Variants in ADHFE1 observed in about 807,000 individuals in gnomAD.
The protein encoded by ADHFE1 is hydroxyacid-oxoacid transhydrogenase, mitochondrial.
Under a neutral mutation model 54.8 loss-of-function variants are expected in ADHFE1, and 37 were observed. That is an observed-to-expected ratio of 0.68 (90% CI 0.52 to 0.89). ADHFE1 has a LOEUF of 0.89. Among genes scored for constraint, ADHFE1 ranks in the 40% least tolerant of loss-of-function variants. The probability of loss-of-function intolerance (pLI) is 0.00; values close to 1 mark genes in which losing one functional copy is unlikely to be tolerated. For missense variants in ADHFE1, 601 were observed against 591.2 expected (o/e 1.02, Z -0.17); for synonymous variants, 203 against 229.3 (o/e 0.89, Z 1.04).
intron 9 of ADHFE1, among the ~76,000 whole-genome samples, chr8:66,453,314 A>G (rs1806399447): frequency 6.6e-6 from 1 of 152,204 alleles, no homozygotes; most frequent in African/African-American, 2.4e-5. Context: ...ATTTCAAATG[A>G]AAGGGGAAAA....
In ADHFE1 at chr8:66,452,083, A is replaced by G; in HGVS notation, c.865A>G (p.Ile289Val). 1 of 1,614,178 alleles carries G rather than the reference A, an allele frequency of 6.2e-7. No individual in the cohort carries two copies. Among genetic ancestry groups the G allele is most frequent in the African/African-American group, 1.3e-5 (1 of 75,064 alleles). The change falls in exon 9 of 14, where the codon ATC (isoleucine) becomes GTC (valine). Residue 289 changes from isoleucine to valine, a missense_variant. Coordinates refer to ENST00000396623, the MANE Select transcript of ADHFE1 (RefSeq NM_144650.3). Reference protein sequence around the residue: ...SDIWAIHALRIVAKYLKRAVR... With the variant: ...SDIWAIHALRVVAKYLKRAVR... ...CATTTGGGCTATCCACGCGCTGCGG[A>G]TCGTGGCTAAGTATCTGAAGAGGTA...
At chr8:66,441,798 C>A (rs1452857356) in intron 2 of ADHFE1, among the ~76,000 whole-genome samples, 2 of 151,748 alleles carry the variant, frequency 1.3e-5, no homozygotes, top group Admixed American at 1.3e-4. Context: ...ATTGTGAAAC[C>A]CCGTCCCTAC....
rs998030955 is a variant in ADHFE1, at chr8:66,443,753, T to A, written c.145-614T>A. On this transcript the variant is annotated intron_variant, in intron 3 of 13. Transcript: ENST00000396623. ...ATGCATTCCCAGTTTGCTGGATTAT[T>A]CAAGAGAAAGTGAAATTCAGATGGT... Among the ~76,000 whole-genome samples, 22 of 152,198 alleles carry A rather than the reference T, an allele frequency of 1.4e-4. 2 individuals are homozygous for A. The highest frequency in any genetic ancestry group is 1.2e-3 in the Admixed American group (19 of 15,300).
chr8:66,453,665 G>A (rs767152012), intron 9 of ADHFE1: 34 of 1,362,178 alleles, frequency 2.5e-5, no homozygotes, highest in Middle Eastern at 2.1e-4. Flanking sequence ...AGCGCTGGCC[G>A]GCAGGTAGCC....
chr8:66,451,260 A>G (rs1806284921), intron 8 of ADHFE1, among the ~76,000 whole-genome samples: 1 of 152,210 alleles, frequency 6.6e-6, no homozygotes, highest in Admixed American at 6.5e-5. Flanking sequence ...AGAGAAAAAG[A>G]TCTGCTTTTT....
At chr8:66,459,430 A>ATATATATATTTT (rs1191407388) in intron 12 of ADHFE1, 2 of 126,808 alleles carry the variant, frequency 1.6e-5, no homozygotes, top group Non-Finnish European at 3.3e-5. Context: ...ATATATATAT[A>ATATATATATTTT]TTTTTTTTTT....
At chr8:66,456,503 T>G (rs765982935) in intron 10 of ADHFE1, among the ~76,000 whole-genome samples, 2 of 152,204 alleles carry the variant, frequency 1.3e-5, no homozygotes, top group Admixed American at 6.5e-5. Context: ...AACTTCGAAG[T>G]GAATTACCGA....
At chr8:66,445,500 C>A in intron 6 of ADHFE1, 86 bp downstream of exon 6, 1 of 1,311,194 alleles carries the variant, frequency 7.6e-7, no homozygotes, top group Non-Finnish European at 1.0e-6. Flanking sequence ...TTTTAACATA[C>A]ACATTTCGAA....
intron 6 of ADHFE1, among the ~76,000 whole-genome samples, chr8:66,446,158 C>T (rs973146393): frequency 2.0e-5 from 3 of 152,060 alleles, no homozygotes; most frequent in East Asian, 3.8e-4. Context: ...GTGAGTAAGT[C>T]GATGGCAGAT....
rs540464621 is a variant in ADHFE1 at position 66,443,264 on chromosome 8, A to AT, written c.144+452dup. ...GTCCCTGTCTCCTCCTAGTCCAGGA[A>AT]TTTTTTTTTTTTTTTTTTTTTTTTT... On this transcript the variant is annotated intron_variant, in intron 3 of 13. Transcript: ENST00000396623. Among the ~76,000 whole-genome samples, 431 of 86,020 alleles carry AT rather than the reference A, an allele frequency of 5.0e-3. 19 individuals are homozygous for AT. The highest frequency in any genetic ancestry group is 7.5e-3 in the Middle Eastern group (1 of 134). 56.4% of individuals were successfully genotyped at this position (86,020 alleles called of 152,430 possible).
intron 10 of ADHFE1, among the ~76,000 whole-genome samples, chr8:66,454,779 T>C (rs1368470229): frequency 6.6e-6 from 1 of 152,034 alleles, no homozygotes; most frequent in Non-Finnish European, 1.5e-5. Context: ...GATGGCGCAG[T>C]CTTGGCTCAC....
In ADHFE1 at chr8:66,444,579, T is replaced by C. The variant is rs765328777; in HGVS notation, c.199-15T>C. The C allele has an allele frequency of 1.6e-5, 26 of 1,613,784 alleles. No homozygotes were observed. In the East Asian group the frequency reaches 3.8e-4, roughly 24 times the overall value. On this transcript the variant is annotated splice_polypyrimidine_tract_variant and intron_variant, in intron 4 of 13. Transcript: ENST00000396623. The stretch of plus-strand genomic sequence containing the variant: ...TTCTAGTGGAGTTGAACCTAACTTA[T>C]AGGTTTTCTTGTAGGACCTAAAAAA...
chr8:66,452,116 C>T lies in ADHFE1; in HGVS notation c.887+11C>T. On this transcript the variant is annotated intron_variant, in intron 9 of 13. Coordinates refer to ENST00000396623, the MANE Select transcript of ADHFE1 (RefSeq NM_144650.3). ...TAAGTATCTGAAGAGGTATGTCACC[C>T]CGAAGGGGATAGAAATAGAACAGGA... 6.2e-7 allele frequency: 1 copy of T among 1,613,392 alleles called. No individual in the cohort carries two copies. Among genetic ancestry groups the T allele is most frequent in the Non-Finnish European group, 8.5e-7 (1 of 1,179,802 alleles).
Position 66,467,429 on chromosome 8 carries a change from T to G in ADHFE1, c.1321-840T>G, listed in dbSNP as rs10504397. Reference sequence around the variant, plus strand: ...CATCTTCACTAATTCAGCAGATAACTGTTGAGCATCTACTTACTATGTAAA... The same window carrying G: ...CATCTTCACTAATTCAGCAGATAACGGTTGAGCATCTACTTACTATGTAAA... On this transcript the variant is annotated intron_variant, in intron 13 of 13. Transcript: ENST00000396623. Among the ~76,000 whole-genome samples, 771 of 152,230 alleles carry G rather than the reference T, an allele frequency of 5.1e-3. 26 individuals carry two copies. In the East Asian group the frequency reaches 0.063, roughly 12 times the overall value.
chr8:66,434,948 C>G (rs920055198), intron 1 of ADHFE1, among the ~76,000 whole-genome samples: 6 of 150,002 alleles, frequency 4.0e-5, no homozygotes, highest in Non-Finnish European at 8.8e-5. Flanking sequence ...CACTTCACTC[C>G]AGCCTGGGCT....
At chr8:66,467,638 C>T (rs149680209) in intron 13 of ADHFE1, among the ~76,000 whole-genome samples, 6 of 152,166 alleles carry the variant, frequency 3.9e-5, no homozygotes, top group Non-Finnish European at 5.9e-5. Flanking sequence ...GGGGAGTCAT[C>T]GCTGTACATT....
rs892151938 is a variant in ADHFE1 at position 66,438,515 on chromosome 8, G to C, written c.60-1647G>C. 2.6e-5 allele frequency among the ~76,000 whole-genome samples: 4 copies of C among 152,314 alleles called. No homozygotes were observed. The South Asian group carries it at 8.3e-4, about 32-fold the overall frequency. On this transcript the variant is annotated intron_variant, in intron 1 of 13. Transcript: ENST00000396623. The stretch of plus-strand genomic sequence containing the variant: ...AAAAAGGTGTGGCCACGCGTTTCAT[G>C]CTGCTAGAGTGAGGTGCTACGAGGT...
At chr8:66,432,712 C>G (rs1805264412) in intron 1 of ADHFE1, 137 bp downstream of exon 1, 2 of 1,232,788 alleles carry the variant, frequency 1.6e-6, no homozygotes, top group African/African-American at 1.6e-5. Flanking sequence ...GCCCTGGGCT[C>G]CCACCGCGCG....
chr8:66,442,916 GAATT>G, intron 3 of ADHFE1, 72 bp downstream of exon 3: 1 of 1,225,440 alleles, frequency 8.2e-7, no homozygotes, highest in Non-Finnish European at 1.1e-6. Flanking sequence ...TTTTGCTAAT[GAATT>G]ATTATTTTAT....
Sources: allele counts gnomAD v4.1 joint callset (sites outside exome capture counted in the v4.1 genomes callset), GRCh38; gene constraint gnomAD v4.1.1; transcripts MANE v1.5; gene names NCBI Gene and HGNC (gene_info 2026-07-23, HGNC 2026-07-21).